GRM8: variants seen among roughly 807,000 people sequenced by gnomAD.
GRM8 encodes glutamate metabotropic receptor 8.
Under a neutral mutation model 87.2 loss-of-function variants are expected in GRM8, and 47 were observed. That is an observed-to-expected ratio of 0.54 (90% CI 0.43 to 0.69). The LOEUF (loss-of-function observed/expected upper bound fraction) is 0.69. Among genes scored for constraint, GRM8 ranks in the 30% least tolerant of loss-of-function variants. The pLI, the probability that GRM8 is intolerant of heterozygous loss-of-function variation, is 0.00. For synonymous variants in GRM8, 396 were observed against 404.5 expected (o/e 0.98, Z 0.25); for missense variants, 1,019 against 1,139.2 (o/e 0.89, Z 1.52).
chr7:126,789,530 C>T (rs1164192837), intron 6 of GRM8, among the ~76,000 whole-genome samples: 1 of 152,118 alleles, frequency 6.6e-6, no homozygotes, highest in Non-Finnish European at 1.5e-5. Context: ...TGTTCCACAG[C>T]CGCTAATTTA....
chr7:126,790,981 C>T (rs1390467599), intron 6 of GRM8, among the ~76,000 whole-genome samples: 1 of 152,118 alleles, frequency 6.6e-6, no homozygotes, highest in Non-Finnish European at 1.5e-5. Flanking sequence ...TCCTCATTAA[C>T]TCTTTGATAC....
chr7:126,808,478 G>A (rs978111969), intron 6 of GRM8, among the ~76,000 whole-genome samples: 2 of 152,176 alleles, frequency 1.3e-5, no homozygotes, highest in Admixed American at 6.5e-5. Flanking sequence ...AAACACTCAA[G>A]ATGAATTAAC....
chr7:126,509,266 C>T (rs976040295), intron 9 of GRM8, among the ~76,000 whole-genome samples: 4 of 152,122 alleles, frequency 2.6e-5, no homozygotes, highest in African/African-American at 9.6e-5. Flanking sequence ...TGGTTGGCTT[C>T]ATAGCTAATA....
intron 6 of GRM8, among the ~76,000 whole-genome samples, chr7:126,824,976 T>G (rs1007636099): frequency 5.3e-5 from 8 of 152,232 alleles, no homozygotes; most frequent in Admixed American, 2.0e-4. Flanking sequence ...GATAGTAGTT[T>G]GAAAACAGAA....
chr7:126,495,298 T>A (rs937265555), intron 9 of GRM8, among the ~76,000 whole-genome samples: 6 of 152,014 alleles, frequency 3.9e-5, no homozygotes, highest in Non-Finnish European at 8.8e-5. Flanking sequence ...TGCTCTTACC[T>A]AACTGGCAAA....
intron 9 of GRM8, among the ~76,000 whole-genome samples, chr7:126,514,046 T>C (rs1811811323): frequency 6.6e-6 from 1 of 152,132 alleles, no homozygotes; most frequent in African/African-American, 2.4e-5. Flanking sequence ...TTTCTTCAAA[T>C]AAAATGTCCT....
intron 7 of GRM8, among the ~76,000 whole-genome samples, chr7:126,700,454 T>C (rs1302690851): frequency 6.6e-6 from 1 of 152,218 alleles, no homozygotes; most frequent in Non-Finnish European, 1.5e-5. Flanking sequence ...CTTTAAAATA[T>C]TTCCTAGAAC....
intron 10 of GRM8, among the ~76,000 whole-genome samples, chr7:126,444,469 A>G (rs1261136585): frequency 1.3e-5 from 2 of 152,066 alleles, no homozygotes; most frequent in Non-Finnish European, 2.9e-5. Flanking sequence ...GGTGTTTGTG[A>G]AATTCTTGTA....
chr7:126,791,470 G>A (rs1437609775), intron 6 of GRM8, among the ~76,000 whole-genome samples: 3 of 152,282 alleles, frequency 2.0e-5, no homozygotes, highest in Admixed American at 6.5e-5. Context: ...CTGTAACCAG[G>A]TAGGCTGCCA....
intron 2 of GRM8, among the ~76,000 whole-genome samples, chr7:127,144,169 CAT>C (rs1436731305): frequency 1.1e-4 from 17 of 152,084 alleles, no homozygotes; most frequent in African/African-American, 4.1e-4. Flanking sequence ...AATAAAACTA[CAT>C]ATTTGTTATG....
At chr7:126,687,261 T>C (rs1037258329) in intron 7 of GRM8, among the ~76,000 whole-genome samples, 9 of 152,238 alleles carry the variant, frequency 5.9e-5, no homozygotes, top group Non-Finnish European at 1.2e-4. Context: ...TTTAAAATCA[T>C]TTTCACCTAA....
intron 6 of GRM8, among the ~76,000 whole-genome samples, chr7:126,861,074 G>A (rs1390187989): frequency 6.6e-6 from 1 of 152,012 alleles, no homozygotes; most frequent in Non-Finnish European, 1.5e-5. Context: ...TTCCATACCA[G>A]CTAGCTATTC....
At position 126,538,835 on chromosome 7, in the gene GRM8, GCATAT is replaced by G. The variant is rs1816179424; in HGVS notation, c.1495-4953_1495-4949del. ...ATTTTAAACTTTAGTGCCATATTTTGCATATCACATGATTCACACATGAATGAGTA... is the reference window on the plus strand; with the variant it reads ...ATTTTAAACTTTAGTGCCATATTTTGCACATGATTCACACATGAATGAGTA... On this transcript the variant is annotated intron_variant, in intron 8 of 10. Transcript: ENST00000339582. 2.0e-5 allele frequency among the ~76,000 whole-genome samples: 3 copies of G among 151,994 alleles called. No homozygotes were observed. The South Asian group carries it at 6.2e-4, about 32-fold the overall frequency.
chr7:127,163,482 T>C (rs1044837239), intron 2 of GRM8, among the ~76,000 whole-genome samples: 2 of 152,176 alleles, frequency 1.3e-5, no homozygotes, highest in Non-Finnish European at 2.9e-5. Context: ...TGGTAGGGGG[T>C]TCCCCCTGTA....
intron 3 of GRM8, among the ~76,000 whole-genome samples, chr7:127,024,909 A>G (rs1295387261): frequency 6.6e-6 from 1 of 151,714 alleles, no homozygotes; most frequent in Non-Finnish European, 1.5e-5. Context: ...ATACGATCTC[A>G]CCAATTCCAT....
At chr7:126,778,861 G>C (rs981812392) in intron 6 of GRM8, among the ~76,000 whole-genome samples, 4 of 151,466 alleles carry the variant, frequency 2.6e-5, no homozygotes, top group African/African-American at 9.7e-5. Flanking sequence ...AATTACAAAA[G>C]TAATACATAT....
At chr7:126,730,381 G>A (rs1050969900) in intron 7 of GRM8, among the ~76,000 whole-genome samples, 1 of 152,158 alleles carries the variant, frequency 6.6e-6, no homozygotes, top group African/African-American at 2.4e-5. Flanking sequence ...AAAGATCCAA[G>A]ATTAGAGATG....
intron 2 of GRM8, among the ~76,000 whole-genome samples, chr7:127,180,312 C>A (rs938650056): frequency 2.6e-5 from 4 of 151,948 alleles, no homozygotes; most frequent in Admixed American, 6.6e-5. Context: ...GAATTAGATA[C>A]CCTGAACAGA....
chr7:127,169,178 T>C (rs1156701785), intron 2 of GRM8, among the ~76,000 whole-genome samples: 1 of 151,734 alleles, frequency 6.6e-6, no homozygotes, highest in Non-Finnish European at 1.5e-5. Context: ...AGCCAAGTCG[T>C]GAATATGAAG....
Sources: allele counts gnomAD v4.1 joint callset (sites outside exome capture counted in the v4.1 genomes callset), GRCh38; gene constraint gnomAD v4.1.1; transcripts MANE v1.5; gene names NCBI Gene and HGNC (gene_info 2026-07-23, HGNC 2026-07-21).